Variants in SGCE observed in about 807,000 individuals in gnomAD.
The protein encoded by SGCE is sarcoglycan epsilon, also known as epsilon-sarcoglycan.
A neutral mutation model predicts 57.8 loss-of-function variants in SGCE; 26 were observed. That is an observed-to-expected ratio of 0.45 (90% CI 0.33 to 0.62). The LOEUF (loss-of-function observed/expected upper bound fraction) is 0.62, where lower values mean the gene tolerates loss of function less well. Among genes scored for constraint, SGCE ranks in the 20% least tolerant of loss-of-function variants. SGCE has a pLI of 0.02. For synonymous variants in SGCE, 183 were observed against 189.5 expected (o/e 0.97, Z 0.28); for missense variants, 468 against 548.6 (o/e 0.85, Z 1.47).
At chr7:94,586,366 C>T (rs1796914845) in intron 10 of SGCE, among the ~76,000 whole-genome samples, 1 of 152,154 alleles carries the variant, frequency 6.6e-6, no homozygotes, top group Non-Finnish European at 1.5e-5. Context: ...TAAATCCATG[C>T]ATTTTCAGAT....
chr7:94,647,042 T>C (rs947658221), intron 1 of SGCE, among the ~76,000 whole-genome samples: 2 of 152,372 alleles, frequency 1.3e-5, no homozygotes, highest in South Asian at 4.1e-4. Context: ...TGCTCTTTTT[T>C]GCATAATATG....
intron 4 of SGCE, chr7:94,622,524 G>A (rs1445561752): frequency 6.6e-6 from 1 of 151,972 alleles, no homozygotes; most frequent in Non-Finnish European, 1.5e-5. Flanking sequence ...ACCTACTCGG[G>A]AGGCTGAGGC....
At chr7:94,624,977 G>C (rs1803455207) in intron 3 of SGCE, 1 of 151,908 alleles carries the variant, frequency 6.6e-6, no homozygotes, top group Admixed American at 6.6e-5. Flanking sequence ...AATTTTAACA[G>C]CTATAACAGA....
chr7:94,630,971 C>T (rs191423907), intron 1 of SGCE, among the ~76,000 whole-genome samples: 71 of 152,004 alleles, frequency 4.7e-4, no homozygotes, highest in Non-Finnish European at 7.7e-4. Flanking sequence ...CCCTGCAGTT[C>T]GGTGGATGGC....
At chr7:94,644,269 A>G (rs547045856) in intron 1 of SGCE, among the ~76,000 whole-genome samples, 1 of 152,314 alleles carries the variant, frequency 6.6e-6, no homozygotes, top group African/African-American at 2.4e-5. Context: ...GCATGCCTTC[A>G]CCTTCCCTAG....
intron 8 of SGCE, 160 bp from the exon 9 acceptor site, chr7:94,599,123 C>G: frequency 1.7e-6 from 1 of 585,176 alleles, no homozygotes; most frequent in Non-Finnish European, 3.0e-6. Flanking sequence ...GCATACATCT[C>G]ACATACTTTT....
chr7:94,620,824 C>G (rs185806139), intron 4 of SGCE: 1 of 152,334 alleles, frequency 6.6e-6, no homozygotes, highest in Non-Finnish European at 1.5e-5. Flanking sequence ...AGGCTTTGAG[C>G]TGGGCAGCTG....
At chr7:94,599,368 A>T in intron 8 of SGCE, 1 of 314,640 alleles carries the variant, frequency 3.2e-6, no homozygotes, top group East Asian at 6.2e-5. Flanking sequence ...TAGATTCTGG[A>T]AAACTTGTAT....
In SGCE at chr7:94,629,394, T is replaced by C. The variant is rs1804306955; in HGVS notation, c.232+325A>G. ...TAGTTTTCCAAAAATCAATGTACTA[T>C]GTGAGAATCTAGGTCTTAATATAGA... On this transcript the variant is annotated intron_variant, in intron 2 of 10. Coordinates refer to ENST00000648936, the MANE Select transcript of SGCE (RefSeq NM_003919.3). The C allele has an allele frequency of 1.1e-5, 3 of 264,096 alleles. No individual in the cohort carries two copies. The South Asian group carries it at 1.3e-4, about 11-fold the overall frequency. 16.4% of individuals were successfully genotyped at this position (264,096 alleles called of 1,614,324 possible). A position where few individuals can be genotyped will look rare whatever the true frequency, so the allele number is the denominator to read the frequency against.
chr7:94,643,932 A>G (rs567051265), intron 1 of SGCE, among the ~76,000 whole-genome samples: 68 of 152,316 alleles, frequency 4.5e-4, no homozygotes, highest in Admixed American at 1.6e-3. Flanking sequence ...GATTAAATCT[A>G]ATGTGTAAAG....
At chr7:94,604,850 TA>T (rs1488674273) in intron 5 of SGCE, among the ~76,000 whole-genome samples, 1 of 73,216 alleles carries the variant, frequency 1.4e-5, no homozygotes, top group East Asian at 5.0e-4. Context: ...TATATATATA[TA>T]TATATATAAT....
chr7:94,598,938 T>C lies in SGCE; in HGVS notation c.1090A>G (p.Ile364Val), dbSNP rs1398796927. 1 of 1,613,846 alleles carries C rather than the reference T, an allele frequency of 6.2e-7. No homozygotes were observed. Among genetic ancestry groups the C allele is most frequent in the Non-Finnish European group, 8.5e-7 (1 of 1,179,814 alleles). The change falls in exon 9 of 11, where the codon ATT (isoleucine) becomes GTT (valine). Residue 364 changes from isoleucine to valine, a missense_variant. Coordinates refer to ENST00000648936, the MANE Select transcript of SGCE (RefSeq NM_003919.3). ...CGAAGCTCCTTGGTAGATTTCTGAA[T>C]AGCACTGTGATGGACCAGTTGGATG... Reference protein sequence around the residue: ...PDIQLVHHSAIQKSTKELRDM... With the variant: ...PDIQLVHHSAVQKSTKELRDM...
chr7:94,641,904 A>T (rs1265129660), intron 1 of SGCE, among the ~76,000 whole-genome samples: 3 of 152,080 alleles, frequency 2.0e-5, no homozygotes, highest in Non-Finnish European at 1.5e-5. Flanking sequence ...TCAGCTTCCC[A>T]AGTAGCTAGG....
Position 94,585,316 on chromosome 7 carries a change from T to TA in SGCE, c.*182dup. 1.9e-6 allele frequency: 1 copy of TA among 525,904 alleles called. No homozygotes were observed. Among genetic ancestry groups the TA allele is most frequent in the Non-Finnish European group, 3.4e-6 (1 of 294,020 alleles). The allele number at this position is 525,904 out of a possible 1,614,324, so 32.6% of individuals were successfully genotyped here. The stretch of plus-strand genomic sequence containing the variant: ...GTTTTACAAATTGTCAAAAATGCTT[T>TA]AAGTACAAAAAAATACATTAGTAAA... On this transcript the variant is annotated 3_prime_UTR_variant, in exon 11 of 11. Transcript: ENST00000648936.
chr7:94,608,116 G>A (rs1410410135), intron 5 of SGCE, among the ~76,000 whole-genome samples: 1 of 152,172 alleles, frequency 6.6e-6, no homozygotes. Context: ...GGCCGAGGCA[G>A]GTGGGTCACC....
At chr7:94,630,316 G>A (rs1249329513) in intron 1 of SGCE, among the ~76,000 whole-genome samples, 1 of 151,680 alleles carries the variant, frequency 6.6e-6, no homozygotes, top group Non-Finnish European at 1.5e-5. Flanking sequence ...GACAAAGCAT[G>A]TCAGACTATA....
intron 1 of SGCE, among the ~76,000 whole-genome samples, chr7:94,653,016 T>C (rs1464531371): frequency 1.3e-5 from 2 of 152,174 alleles, no homozygotes; most frequent in East Asian, 1.9e-4. Flanking sequence ...AGCAGATGCA[T>C]AGATCTATAG....
At chr7:94,645,900 A>G (rs1374418876) in intron 1 of SGCE, among the ~76,000 whole-genome samples, 1 of 152,198 alleles carries the variant, frequency 6.6e-6, no homozygotes, top group Non-Finnish European at 1.5e-5. Context: ...CTTCAAATGA[A>G]AAAAAACTAT....
At chr7:94,653,830 T>G (rs1053426356) in intron 1 of SGCE, among the ~76,000 whole-genome samples, 2 of 152,002 alleles carry the variant, frequency 1.3e-5, no homozygotes, top group African/African-American at 4.8e-5. Context: ...TTTCTGGTTT[T>G]AAATATTTAT....
Sources: gnomAD v4.1 joint callset for allele counts (sites outside exome capture counted in the v4.1 genomes callset) on GRCh38, gnomAD v4.1.1 for gene constraint, MANE v1.5 for transcripts, NCBI Gene and HGNC (gene_info 2026-07-23, HGNC 2026-07-21) for gene names.